The following GSE1 variants were observed in gnomAD, a reference collection of about 807,000 sequenced individuals.
The protein encoded by GSE1 is Gse1 coiled-coil protein.
In GSE1, 32 loss-of-function variants were observed where a neutral mutation model predicts 112.6. The ratio of observed to expected loss-of-function variants is 0.28; its 90% CI spans 0.21 to 0.38. The LOEUF (loss-of-function observed/expected upper bound fraction) is 0.38, where lower values mean the gene tolerates loss of function less well. Ranked by LOEUF, GSE1 falls within the 10% of genes least tolerant of loss-of-function variation. The pLI, the probability that GSE1 is intolerant of heterozygous loss-of-function variation, is 1.00. For synonymous variants in GSE1, 1,115 were observed against 735.6 expected (o/e 1.52, Z -8.35); for missense variants, 2,348 against 1,699.2 (o/e 1.38, Z -6.71).
In GSE1 at chr16:85,655,997, C is replaced by A. The variant is rs933298076; in HGVS notation, c.989+80C>A. On this transcript the variant is annotated intron_variant, in intron 6 of 15. Coordinates refer to ENST00000253458, the MANE Select transcript of GSE1 (RefSeq NM_014615.5). Reference sequence around the variant, plus strand: ...GCTGGGCAGAAAGCCTGGGCTGGAACCTGACTGGACTCCTTGGCCATGCCT... The same window carrying A: ...GCTGGGCAGAAAGCCTGGGCTGGAAACTGACTGGACTCCTTGGCCATGCCT... 19 of 1,126,738 alleles carry A rather than the reference C, an allele frequency of 1.7e-5. No homozygotes were observed. The Middle Eastern group carries it at 1.0e-3, about 62-fold the overall frequency. The allele number at this position is 1,126,738 out of a possible 1,614,324, so 69.8% of individuals were successfully genotyped here. A position where few individuals can be genotyped will look rare whatever the true frequency, so the allele number is the denominator to read the frequency against.
chr16:85,323,122 T>C (rs1449531401), intron 1 of GSE1, among the ~76,000 whole-genome samples: 1 of 152,088 alleles, frequency 6.6e-6, no homozygotes, highest in East Asian at 1.9e-4. Context: ...TGGTTCGTGG[T>C]GGAGACAGAA....
At chr16:85,431,121 G>T (rs1266384699) in intron 2 of GSE1, among the ~76,000 whole-genome samples, 2 of 152,218 alleles carry the variant, frequency 1.3e-5, no homozygotes, top group Admixed American at 1.3e-4. Context: ...CCTGAGCTTG[G>T]CTCAGAATTG....
At chr16:85,201,800 CT>C (rs762912010) in intron 1 of GSE1, among the ~76,000 whole-genome samples, 2 of 152,166 alleles carry the variant, frequency 1.3e-5, no homozygotes, top group Non-Finnish European at 2.9e-5. Flanking sequence ...GCCGCGTAGC[CT>C]TTTGTCTGTC....
intron 14 of GSE1, 143 bp from the exon 15 acceptor site, chr16:85,670,852 T>C (rs1282080479): frequency 4.9e-6 from 3 of 611,994 alleles, no homozygotes; most frequent in African/African-American, 1.9e-5. Flanking sequence ...GCTGGGAGCA[T>C]TGTGGTCCAC....
chr16:85,301,382 G>A (rs973678329), intron 1 of GSE1, among the ~76,000 whole-genome samples: 11 of 152,182 alleles, frequency 7.2e-5, no homozygotes, highest in Admixed American at 2.6e-4. Context: ...TCTGGGAGGC[G>A]GGTTCCTGGG....
intron 1 of GSE1, among the ~76,000 whole-genome samples, chr16:85,564,768 C>G (rs2045666640): frequency 6.6e-6 from 1 of 152,184 alleles, no homozygotes; most frequent in Non-Finnish European, 1.5e-5. Flanking sequence ...GCAGAGGGAG[C>G]CTGTGCGGAA....
In GSE1 at chr16:85,668,198, C is replaced by T. The variant is rs772961780; in HGVS notation, c.3189C>T (p.Tyr1063=). 6.2e-7 allele frequency: 1 copy of T among 1,609,932 alleles called. No individual in the cohort carries two copies. Among genetic ancestry groups the T allele is most frequent in the African/African-American group, 1.3e-5 (1 of 74,858 alleles). The stretch of plus-strand genomic sequence containing the variant: ...ACAAGGTTGACACGTCCGTCCACTA[C>T]AACATTCCTGAGCTGCAGTCCTCCA... ...QNHKVDTSVH[Y]NIPELQSSSR... The change falls in exon 14 of 16, where the codon TAC becomes TAT. Residue 1063 remains tyrosine (Y), a synonymous_variant. Transcript: ENST00000253458.
At chr16:85,403,099 G>T (rs928328185) in intron 2 of GSE1, among the ~76,000 whole-genome samples, 6 of 151,624 alleles carry the variant, frequency 4.0e-5, no homozygotes, top group South Asian at 2.1e-4. Flanking sequence ...GCTGGGGGGG[G>T]ACTCAGTTCC....
At chr16:85,380,554 G>A (rs2047523903) in intron 2 of GSE1, among the ~76,000 whole-genome samples, 2 of 138,524 alleles carry the variant, frequency 1.4e-5, no homozygotes, top group Non-Finnish European at 2.9e-5. Flanking sequence ...TCCCAACACT[G>A]CCCGCCGGGG....
At position 85,488,685 on chromosome 16, in the gene GSE1, A is replaced by G. The variant is rs529685818; in HGVS notation, c.2464+131042A>G. On this transcript the variant is annotated intron_variant, in intron 2 of 2. Transcript: ENST00000637419. ...TCATGAAGTTGGACTTGGGTTTCGA[A>G]GGATGTGCAGGAGTTGTGAGGTGGA... Among the ~76,000 whole-genome samples the G allele has an allele frequency of 2.6e-5, 4 of 152,222 alleles. No homozygotes were observed. In the South Asian group the frequency reaches 6.2e-4, roughly 24 times the overall value.
chr16:85,307,168 A>G (rs948166201), intron 1 of GSE1, among the ~76,000 whole-genome samples: 3 of 151,832 alleles, frequency 2.0e-5, no homozygotes, highest in African/African-American at 7.3e-5. Flanking sequence ...GGTGGGATGG[A>G]AGCTCAGGCC....
intron 1 of GSE1, among the ~76,000 whole-genome samples, chr16:85,188,297 C>A (rs1300481701): frequency 6.6e-6 from 1 of 152,204 alleles, no homozygotes; most frequent in Non-Finnish European, 1.5e-5. Flanking sequence ...GTTCCCTCAT[C>A]TGTATATGGG....
rs111164380 is a variant in GSE1, at chr16:85,519,497, T to C, written c.2465-114417T>C. 4.0e-3 allele frequency among the ~76,000 whole-genome samples: 11 copies of C among 2,768 alleles called. 4 individuals are homozygous for C. The highest frequency in any genetic ancestry group is 5.5e-3 in the Non-Finnish European group (10 of 1,804). The allele number at this position is 2,768 out of a possible 152,430, so 1.8% of individuals were successfully genotyped here. On this transcript the variant is annotated intron_variant, in intron 2 of 2. Coordinates refer to the GSE1 transcript ENST00000637419. Reference sequence around the variant, plus strand: ...ACTTTTACCACCATCACTATCATCATCACCATCACCGGTCTCCATCATCAT... The same window carrying C: ...ACTTTTACCACCATCACTATCATCACCACCATCACCGGTCTCCATCATCAT...
chr16:85,543,852 A>C (rs1479157694), intron 2 of GSE1, among the ~76,000 whole-genome samples: 4 of 152,132 alleles, frequency 2.6e-5, no homozygotes, highest in African/African-American at 9.7e-5. Flanking sequence ...CTTGTTTCTA[A>C]TTTGAGACAG....
chr16:85,187,093 G>A (rs879504485), intron 1 of GSE1, among the ~76,000 whole-genome samples: 1 of 152,204 alleles, frequency 6.6e-6, no homozygotes. Flanking sequence ...CCTCCTTGAG[G>A]TGCCTCTTGT....
chr16:85,531,564 G>A (rs373882106), intron 2 of GSE1, among the ~76,000 whole-genome samples: 175 of 152,316 alleles, frequency 1.1e-3, no homozygotes, highest in African/African-American at 3.6e-3. Flanking sequence ...GGATGGCCCC[G>A]CTGGCACCTT....
At chr16:85,500,387 G>A (rs2051319733) in intron 2 of GSE1, among the ~76,000 whole-genome samples, 1 of 152,204 alleles carries the variant, frequency 6.6e-6, no homozygotes, top group Non-Finnish European at 1.5e-5. Flanking sequence ...GGAAGGGGAA[G>A]TGCACCAGTA....
intron 2 of GSE1, among the ~76,000 whole-genome samples, chr16:85,404,148 A>G (rs1440655718): frequency 1.1e-5 from 1 of 94,832 alleles, no homozygotes; most frequent in African/African-American, 4.7e-5. Context: ...GATAATCCAC[A>G]CCGTTACACT....
intron 1 of GSE1, among the ~76,000 whole-genome samples, chr16:85,337,469 C>G (rs896172851): frequency 6.6e-6 from 1 of 152,038 alleles, no homozygotes; most frequent in Non-Finnish European, 1.5e-5. Flanking sequence ...CCACGCCCGG[C>G]TAATTTTTTG....
Sources: gnomAD v4.1 joint callset for allele counts (sites outside exome capture counted in the v4.1 genomes callset) on GRCh38, gnomAD v4.1.1 for gene constraint, MANE v1.5 for transcripts, NCBI Gene and HGNC (gene_info 2026-07-23, HGNC 2026-07-21) for gene names.